MYH14: variants seen among roughly 807,000 people sequenced by gnomAD.
MYH14 encodes myosin heavy chain 14, also known as myosin-14.
In MYH14, 123 loss-of-function variants were observed where a neutral mutation model predicts 255.5. The ratio of observed to expected loss-of-function variants is 0.48; its 90% CI spans 0.42 to 0.56. The LOEUF is 0.56. Among genes scored for constraint, MYH14 ranks in the 20% least tolerant of loss-of-function variants. The pLI, the probability that MYH14 is intolerant of heterozygous loss-of-function variation, is 0.00. For synonymous variants in MYH14, 1,095 were observed against 1,161.2 expected (o/e 0.94, Z 1.16); for missense variants, 2,423 against 2,802.3 (o/e 0.86, Z 3.06).
rs2034549768 is a variant in MYH14 at position 50,255,249 on chromosome 19, C to G, written c.1975C>G (p.Leu659Val). ...EHGGFQQFSF[L>V]GSFPPSPPGS... ...TGGGGGCTTCCAGCAGTTCTCTTTC[C>G]TTGGCTCCTTCCCACCGTCGCCCCC... Residue 659 changes from leucine (L) to valine (V), a missense_variant, in exon 17 of 43, where the codon CTT becomes GTT. Physicochemically the swap from Leu to Val is conservative, Grantham distance 32. Coordinates refer to ENST00000642316, the MANE Select transcript of MYH14 (RefSeq NM_001145809.2). 6.4e-7 allele frequency: 1 copy of G among 1,551,398 alleles called. No homozygotes were observed. Among genetic ancestry groups the G allele is most frequent in the Admixed American group, 2.0e-5 (1 of 50,970 alleles).
chr19:50,210,888 C>A (rs1877000051), intron 2 of MYH14, 118 bp downstream of exon 2: 4 of 1,455,076 alleles, frequency 2.7e-6, no homozygotes, highest in Non-Finnish European at 3.6e-6. Flanking sequence ...TATCCCATGT[C>A]CCGTGACTGT....
At chr19:50,210,881 C>T in intron 2 of MYH14, 111 bp downstream of exon 2, 1 of 1,472,052 alleles carries the variant, frequency 6.8e-7, no homozygotes, top group Non-Finnish European at 9.0e-7. Context: ...TCATCTGTAT[C>T]CCATGTCCCG....
intron 8 of MYH14, among the ~76,000 whole-genome samples, chr19:50,228,562 C>T (rs1391378542): frequency 6.6e-6 from 1 of 152,102 alleles, no homozygotes; most frequent in African/African-American, 2.4e-5. Context: ...CCAGCAGCAC[C>T]GCAGCCCCTG....
At chr19:50,253,660 T>C (rs1455016730) in intron 16 of MYH14, among the ~76,000 whole-genome samples, 2 of 152,110 alleles carry the variant, frequency 1.3e-5, no homozygotes, top group Non-Finnish European at 2.9e-5. Context: ...TGTGACTGTC[T>C]TTTTGGATTG....
chr19:50,265,215 A>G (rs1322310671), intron 22 of MYH14, among the ~76,000 whole-genome samples: 1 of 152,160 alleles, frequency 6.6e-6, no homozygotes, highest in Non-Finnish European at 1.5e-5. Context: ...TGAGTGGAGT[A>G]GGTAAACAGC....
Position 50,259,130 on chromosome 19 carries a change from TC to T in MYH14, c.2233-12del, listed in dbSNP as rs1352729244. 2 of 1,546,182 alleles carry T rather than the reference TC, an allele frequency of 1.3e-6. No individual in the cohort carries two copies. The highest frequency in any genetic ancestry group is 1.7e-6 in the Non-Finnish European group (2 of 1,142,910). On this transcript the variant is annotated splice_polypyrimidine_tract_variant and intron_variant, in intron 18 of 42. Coordinates refer to ENST00000642316, the MANE Select transcript of MYH14 (RefSeq NM_001145809.2). ...GCCGCCGCTGACCCCCGCGTGTCCG[TC>T]CGCTCTCCCCAGGCCGGGAAGCTGG... is the stretch of plus-strand genomic sequence containing the variant.
chr19:50,296,483 T>C (rs1015491005), intron 39 of MYH14, among the ~76,000 whole-genome samples: 1 of 151,538 alleles, frequency 6.6e-6, no homozygotes, highest in African/African-American at 2.4e-5. Context: ...CGGGCACGCC[T>C]GCGGCCCCAG....
chr19:50,270,162 G>T (rs1380678373), intron 24 of MYH14, among the ~76,000 whole-genome samples: 3 of 152,194 alleles, frequency 2.0e-5, no homozygotes, highest in Non-Finnish European at 4.4e-5. Flanking sequence ...GGTCAAGGCT[G>T]CAGTGAGCTG....
At chr19:50,305,565 T>A (rs139592486) in intron 40 of MYH14, among the ~76,000 whole-genome samples, 21 of 151,886 alleles carry the variant, frequency 1.4e-4, no homozygotes, top group African/African-American at 5.1e-4. Context: ...TAGCTTGAGG[T>A]CTATGGGGAC....
chr19:50,262,551 A>C (rs2034923042), intron 21 of MYH14, among the ~76,000 whole-genome samples: 1 of 151,588 alleles, frequency 6.6e-6, no homozygotes, highest in Non-Finnish European at 1.5e-5. Context: ...AAAAAAAAAA[A>C]AGCTGAAAGA....
At chr19:50,243,978 CTT>C (rs74268485) in intron 10 of MYH14, among the ~76,000 whole-genome samples, 129 of 143,384 alleles carry the variant, frequency 9.0e-4, no homozygotes, top group African/African-American at 3.1e-3. Context: ...AAGATGGATT[CTT>C]TTTTTTTTTT....
intron 39 of MYH14, among the ~76,000 whole-genome samples, chr19:50,301,456 AG>A (rs1320930117): frequency 1.5e-4 from 23 of 152,340 alleles, no homozygotes; most frequent in African/African-American, 5.5e-4. Context: ...GTTAAGACCC[AG>A]GGCTGGCAGT....
intron 27 of MYH14, among the ~76,000 whole-genome samples, chr19:50,273,546 T>C (rs1294348138): frequency 6.6e-6 from 1 of 151,964 alleles, no homozygotes; most frequent in African/African-American, 2.4e-5. Flanking sequence ...CAGCTCCATT[T>C]CGGAGATGTT....
At chr19:50,283,184 A>G (rs1489754260) in intron 33 of MYH14, among the ~76,000 whole-genome samples, 1 of 151,816 alleles carries the variant, frequency 6.6e-6, no homozygotes, top group African/African-American at 2.4e-5. Flanking sequence ...CAGTGGCACG[A>G]TCTCAGCTCA....
Position 50,280,320 on chromosome 19 carries a change from G to C in MYH14, c.4227G>C (p.Gln1409His). Residue 1409 changes from glutamine to histidine, a missense_variant, in exon 32 of 43, where the codon CAG (glutamine) becomes CAC (histidine). Coordinates refer to ENST00000642316, the MANE Select transcript of MYH14 (RefSeq NM_001145809.2). The surrounding 1 kb of genome is among the most constrained non-coding windows in gnomAD (Gnocchi z 4.8). ...CTGAGGCAGCCGGGCTGCGTGAGCA[G>C]CTGGAGGAGGAGGCAGCTGCCAGGG... ...MEAEAAGLRE[Q>H]LEEEAAARER... 1.3e-6 allele frequency: 2 copies of C among 1,550,254 alleles called. No individual in the cohort carries two copies. The highest frequency in any genetic ancestry group is 1.7e-6 in the Non-Finnish European group (2 of 1,146,680).
At chr19:50,301,969 A>C (rs142689305) in intron 40 of MYH14, 100 bp downstream of exon 40, 1 of 956,358 alleles carries the variant, frequency 1.0e-6, no homozygotes, top group Non-Finnish European at 1.6e-6. Context: ...GAAACATCCA[A>C]AAGACATCAT....
At chr19:50,240,876 C>T (rs2033866571) in intron 10 of MYH14, among the ~76,000 whole-genome samples, 1 of 152,132 alleles carries the variant, frequency 6.6e-6, no homozygotes, top group East Asian at 1.9e-4. Flanking sequence ...GCTCTGCCAG[C>T]CTATGTGAGC....
chr19:50,287,115 C>CAAAAAAAA (rs935145729), intron 34 of MYH14, among the ~76,000 whole-genome samples: 1 of 146,150 alleles, frequency 6.8e-6, no homozygotes, highest in Admixed American at 6.8e-5. Context: ...GAGACTGTCT[C>CAAAAAAAA]AAAAAAAAAA....
Position 50,271,843 on chromosome 19 carries a change from C to T in MYH14, c.3172-6C>T. 1 of 1,613,038 alleles carries T rather than the reference C, an allele frequency of 6.2e-7. No homozygotes were observed. The highest frequency in any genetic ancestry group is 8.5e-7 in the Non-Finnish European group (1 of 1,179,804). On this transcript the variant is annotated splice_polypyrimidine_tract_variant and splice_region_variant and intron_variant, in intron 25 of 42. Coordinates refer to ENST00000642316, the MANE Select transcript of MYH14 (RefSeq NM_001145809.2). ...TGACTGCCCCCCATCCCACTCCACCCCTCAGGAGCGGAAGCTGCTGGAAGA... is the reference window on the plus strand; with the variant it reads ...TGACTGCCCCCCATCCCACTCCACCTCTCAGGAGCGGAAGCTGCTGGAAGA...
Sources: allele counts gnomAD v4.1 joint callset (sites outside exome capture counted in the v4.1 genomes callset), GRCh38; gene constraint gnomAD v4.1.1; non-coding constraint Gnocchi (gnomAD v3.1); transcripts MANE v1.5; gene names NCBI Gene and HGNC (gene_info 2026-07-23, HGNC 2026-07-21).